LARGE1: variants seen among roughly 807,000 people sequenced by gnomAD.
LARGE1 encodes the protein LARGE xylosyl- and glucuronyltransferase 1, also known as xylosyl- and glucuronyltransferase LARGE1.
LARGE1 carries 43 observed loss-of-function variants against 87.6 expected under a neutral mutation model. The observed-to-expected ratio is 0.49, with a 90% confidence interval of 0.38 to 0.63. The LOEUF (loss-of-function observed/expected upper bound fraction) is 0.63, where lower values mean the gene tolerates loss of function less well. Among genes scored for constraint, LARGE1 ranks in the 30% least tolerant of loss-of-function variants. The pLI is 0.00. For synonymous variants in LARGE1, 434 were observed against 394.6 expected, an observed-to-expected ratio of 1.10 and a Z score of -1.18; for missense variants, 802 against 1,000.2, an observed-to-expected ratio of 0.80 and a Z score of 2.67.
At chr22:33,716,177 T>C (rs1217905504) in intron 2 of LARGE1, among the ~76,000 whole-genome samples, 2 of 152,152 alleles carry the variant, frequency 1.3e-5, no homozygotes, top group African/African-American at 4.8e-5. Context: ...GGTTGATGAA[T>C]TTAGGAAATT....
At chr22:33,393,190 A>T (rs2065594309) in intron 7 of LARGE1, among the ~76,000 whole-genome samples, 1 of 152,360 alleles carries the variant, frequency 6.6e-6, no homozygotes, top group East Asian at 1.9e-4. Flanking sequence ...GTTTCTTCAA[A>T]GGTTAGGAGT....
At chr22:33,678,093 A>G (rs1474109746) in intron 2 of LARGE1, among the ~76,000 whole-genome samples, 2 of 152,232 alleles carry the variant, frequency 1.3e-5, no homozygotes, top group African/African-American at 4.8e-5. Flanking sequence ...AATTTATGTA[A>G]AAGAAGTGGG....
intron 2 of LARGE1, among the ~76,000 whole-genome samples, chr22:33,675,536 A>C (rs1434717077): frequency 6.6e-6 from 1 of 152,150 alleles, no homozygotes; most frequent in Non-Finnish European, 1.5e-5. Flanking sequence ...AACAAAAAAC[A>C]ACAAAATAAG....
At chr22:33,506,720 G>A (rs916991373) in intron 6 of LARGE1, among the ~76,000 whole-genome samples, 1 of 152,142 alleles carries the variant, frequency 6.6e-6, no homozygotes, top group Non-Finnish European at 1.5e-5. Flanking sequence ...GGCCAATATG[G>A]TGAAACCCCG....
intron 6 of LARGE1, among the ~76,000 whole-genome samples, chr22:33,489,172 G>A (rs181803320): frequency 5.8e-4 from 88 of 152,298 alleles, no homozygotes; most frequent in African/African-American, 1.9e-3. Flanking sequence ...TACTGTAGCA[G>A]GAGAAAACAG....
At chr22:33,512,180 G>C (rs772749245) in intron 6 of LARGE1, among the ~76,000 whole-genome samples, 2 of 152,162 alleles carry the variant, frequency 1.3e-5, no homozygotes, top group African/African-American at 4.8e-5. Flanking sequence ...TAGATTAAGA[G>C]AATTCAAATC....
At chr22:33,788,439 T>C (rs1056629575) in intron 1 of LARGE1, among the ~76,000 whole-genome samples, 5 of 152,160 alleles carry the variant, frequency 3.3e-5, no homozygotes, top group Admixed American at 3.3e-4. Flanking sequence ...GGTGCTGCAA[T>C]AAAGATACCC....
intron 9 of LARGE1, among the ~76,000 whole-genome samples, chr22:33,367,603 T>G: frequency 6.6e-6 from 1 of 152,104 alleles, no homozygotes; most frequent in East Asian, 1.9e-4. Context: ...TTATTTATTT[T>G]TTGGTAGAGA....
chr22:33,326,923 C>T (rs1301626784), intron 10 of LARGE1, among the ~76,000 whole-genome samples: 1 of 152,192 alleles, frequency 6.6e-6, no homozygotes, highest in Non-Finnish European at 1.5e-5. Context: ...TCCCTTCACC[C>T]CCTCTCTCTG....
Position 33,634,136 on chromosome 22 carries a change from A to C in LARGE1, c.409-7810T>G, listed in dbSNP as rs184998322. 2.2e-3 allele frequency among the ~76,000 whole-genome samples: 332 copies of C among 152,334 alleles called. 4 individuals carry two copies. The highest frequency in any genetic ancestry group is 2.6e-4 in the Non-Finnish European group (18 of 68,028). Reference sequence around the variant, plus strand: ...CCTGAATGAATAAACAGCACAAGACACTGTTCAGAGTCCTCCTTCTTTGAC... The same window carrying C: ...CCTGAATGAATAAACAGCACAAGACCCTGTTCAGAGTCCTCCTTCTTTGAC... On this transcript the variant is annotated intron_variant, in intron 3 of 14. Transcript: ENST00000397394.
intron 1 of LARGE1, among the ~76,000 whole-genome samples, chr22:33,789,614 G>A (rs2085759112): frequency 6.6e-6 from 1 of 152,188 alleles, no homozygotes; most frequent in Non-Finnish European, 1.5e-5. Flanking sequence ...AAAGTCACAG[G>A]GGTAGAGCTA....
At chr22:33,769,583 C>T (rs1233203877) in intron 1 of LARGE1, among the ~76,000 whole-genome samples, 1 of 152,160 alleles carries the variant, frequency 6.6e-6, no homozygotes, top group Non-Finnish European at 1.5e-5. Context: ...ACACGATACC[C>T]CTCAGCCCAC....
intron 5 of LARGE1, chr22:33,572,266 T>A: frequency 8.4e-7 from 1 of 1,196,126 alleles, no homozygotes; most frequent in Non-Finnish European, 1.1e-6. Context: ...TGTTTCTGAG[T>A]GGTTGTCTTG....
At chr22:33,481,470 T>C (rs2069324418) in intron 6 of LARGE1, among the ~76,000 whole-genome samples, 1 of 152,212 alleles carries the variant, frequency 6.6e-6, no homozygotes, top group Non-Finnish European at 1.5e-5. Flanking sequence ...TTTTAATCTA[T>C]GGTGCACATT....
chr22:33,170,484 G>A (rs1053510551), intron 11 of LARGE1, among the ~76,000 whole-genome samples: 12 of 152,120 alleles, frequency 7.9e-5, no homozygotes, highest in African/African-American at 9.7e-5. Context: ...CCCATGTGTC[G>A]GAGGAGAGAC....
chr22:33,783,481 C>G (rs2085496062), intron 1 of LARGE1, among the ~76,000 whole-genome samples: 1 of 152,126 alleles, frequency 6.6e-6, no homozygotes, highest in Non-Finnish European at 1.5e-5. Flanking sequence ...AGGAGAATCG[C>G]TTGAACCTGG....
chr22:33,531,447 C>A (rs1457788055), intron 6 of LARGE1, among the ~76,000 whole-genome samples: 1 of 152,266 alleles, frequency 6.6e-6, no homozygotes. Flanking sequence ...CATGAGCCAC[C>A]GTGCCTGGCC....
intron 1 of LARGE1, among the ~76,000 whole-genome samples, chr22:33,775,650 G>A (rs898356535): frequency 9.2e-5 from 14 of 152,088 alleles, no homozygotes. Context: ...TCAGGAGTTC[G>A]AGACCAGCCT....
the LARGE1 span, among the ~76,000 whole-genome samples, chr22:33,152,421 A>G: frequency 6.6e-6 from 1 of 152,168 alleles, no homozygotes; most frequent in Non-Finnish European, 1.5e-5. Context: ...TGGCCCGAGC[A>G]TTGTGCTGGC....
Sources: allele counts gnomAD v4.1 joint callset (sites outside exome capture counted in the v4.1 genomes callset), GRCh38; gene constraint gnomAD v4.1.1; transcripts MANE v1.5; gene names NCBI Gene and HGNC (gene_info 2026-07-23, HGNC 2026-07-21).